The following SLC2A5 variants were observed in gnomAD, a reference collection of about 807,000 sequenced individuals.
The protein encoded by SLC2A5 is solute carrier family 2, facilitated glucose transporter member 5.
SLC2A5 carries 56 observed loss-of-function variants against 50.3 expected under a neutral mutation model. That is an observed-to-expected ratio of 1.11 (90% confidence interval 0.90 to 1.39). The LOEUF is 1.39. SLC2A5 is among the 40% of genes most tolerant of loss of function. The pLI, the probability that SLC2A5 is intolerant of heterozygous loss-of-function variation, is 0.00. For synonymous variants in SLC2A5, 269 were observed against 281.9 expected (o/e 0.95, Z 0.46); for missense variants, 566 against 650.1 (o/e 0.87, Z 1.41).
intron 1 of SLC2A5, among the ~76,000 whole-genome samples, chr1:9,087,815 C>T (rs564598599): frequency 2.6e-5 from 4 of 152,178 alleles, no homozygotes; most frequent in African/African-American, 4.8e-5. Context: ...GTATTTCGCT[C>T]TCTAGCACTT....
chr1:9,048,938 T>G (rs1173969070), intron 3 of SLC2A5, among the ~76,000 whole-genome samples: 1 of 152,194 alleles, frequency 6.6e-6, no homozygotes, highest in Non-Finnish European at 1.5e-5. Context: ...ATTATAGGCA[T>G]GAGCCACTGC....
At chr1:9,041,707 G>T in intron 5 of SLC2A5, 78 bp downstream of exon 5, 1 of 1,612,542 alleles carries the variant, frequency 6.2e-7, no homozygotes, top group Non-Finnish European at 8.5e-7. Context: ...GTCCTGTGGT[G>T]GTGGCTTTGG....
upstream of SLC2A5, chr1:9,073,079 A>G (rs1383602371): frequency 1.3e-5 from 2 of 152,270 alleles, no homozygotes. Context: ...ACCATACCAC[A>G]AAGCAAGCTG....
At chr1:9,067,598 A>G (rs1330471643) in intron 1 of SLC2A5, among the ~76,000 whole-genome samples, 1 of 152,134 alleles carries the variant, frequency 6.6e-6, no homozygotes, top group East Asian at 1.9e-4. Flanking sequence ...AGGTGATGAC[A>G]CTTGATTTGT....
chr1:9,062,180 G>A (rs1641960728), intron 1 of SLC2A5, among the ~76,000 whole-genome samples: 1 of 152,170 alleles, frequency 6.6e-6, no homozygotes, highest in African/African-American at 2.4e-5. Context: ...CCTCGGGTAA[G>A]CAAGACAGCT....
intron 3 of SLC2A5, among the ~76,000 whole-genome samples, chr1:9,048,856 C>T (rs1239422340): frequency 1.3e-5 from 2 of 152,062 alleles, no homozygotes; most frequent in Non-Finnish European, 2.9e-5. Context: ...GGAGTTTCCC[C>T]ATGTTGGCCA....
intron 1 of SLC2A5, among the ~76,000 whole-genome samples, chr1:9,061,236 C>T (rs929829899): frequency 9.6e-5 from 14 of 145,588 alleles, no homozygotes; most frequent in African/African-American, 3.3e-4. Context: ...AAGCTGAGAT[C>T]GCACCACTGC....
chr1:9,080,951 GA>G (rs1349408872), intron 2 of SLC2A5, among the ~76,000 whole-genome samples: 3 of 152,094 alleles, frequency 2.0e-5, no homozygotes, highest in Non-Finnish European at 4.4e-5. Flanking sequence ...TCATCAAAAT[GA>G]AAAAGTGGTG....
chr1:9,075,987 A>G (rs1642276940), intron 2 of SLC2A5, among the ~76,000 whole-genome samples: 1 of 131,780 alleles, frequency 7.6e-6, no homozygotes, highest in Admixed American at 8.5e-5. Flanking sequence ...ACGGAGTCTC[A>G]CAGTGTTGCC....
chr1:9,094,172 T>C, the SLC2A5 span, among the ~76,000 whole-genome samples: 170 of 152,322 alleles, frequency 1.1e-3, 2 homozygotes, highest in South Asian at 0.012. Flanking sequence ...CCCGGTTGAC[T>C]ACCAAGTATT....
chr1:9,076,785 TG>T (rs1227241313), intron 2 of SLC2A5, among the ~76,000 whole-genome samples: 5 of 151,494 alleles, frequency 3.3e-5, no homozygotes, highest in Non-Finnish European at 1.5e-5. Context: ...ACAAGTGTGG[TG>T]TTTTTTTTGT....
chr1:9,047,558 C>T (rs1009065893), intron 4 of SLC2A5, 52 bp downstream of exon 4: 2 of 1,593,692 alleles, frequency 1.3e-6, no homozygotes, highest in African/African-American at 1.3e-5. Flanking sequence ...AACCTGTTGT[C>T]CTCCTCCTTG....
upstream of SLC2A5, among the ~76,000 whole-genome samples, chr1:9,070,072 GTTTTTTTTTTTTT>G (rs56828280): frequency 1.8e-4 from 11 of 62,514 alleles, no homozygotes; most frequent in East Asian, 1.3e-3. Flanking sequence ...CTCATTTTCT[GTTTTTTTTTTTTT>G]TTTTTTTTTT....
upstream of SLC2A5, among the ~76,000 whole-genome samples, chr1:9,093,282 A>C (rs1642479524): frequency 6.6e-6 from 1 of 151,818 alleles, no homozygotes; most frequent in South Asian, 2.1e-4. Context: ...AACTCCAGGG[A>C]CTCCCCAGCT....
At chr1:9,055,423 A>G (rs965605250) in intron 3 of SLC2A5, among the ~76,000 whole-genome samples, 1 of 152,060 alleles carries the variant, frequency 6.6e-6, no homozygotes, top group Admixed American at 6.6e-5. Flanking sequence ...AGGCCGAGGC[A>G]GGAGAATCGT....
chr1:9,065,179 AC>A (rs1248934656), intron 1 of SLC2A5, among the ~76,000 whole-genome samples: 1 of 152,078 alleles, frequency 6.6e-6, no homozygotes, highest in Non-Finnish European at 1.5e-5. Flanking sequence ...TTCTTTAAAA[AC>A]TTGAACTTCT....
At chr1:9,079,864 G>A (rs1289727382) in intron 2 of SLC2A5, among the ~76,000 whole-genome samples, 1 of 152,158 alleles carries the variant, frequency 6.6e-6, no homozygotes, top group Non-Finnish European at 1.5e-5. Flanking sequence ...TGTACCAGTT[G>A]AGTTGTGGTA....
At chr1:9,071,353 C>T (rs866878957), upstream of SLC2A5, among the ~76,000 whole-genome samples, 2 of 152,104 alleles carry the variant, frequency 1.3e-5, no homozygotes, top group Non-Finnish European at 2.9e-5. Flanking sequence ...GAGGTTGCAG[C>T]GCACCTAGAT....
chr1:9,047,735 C>G lies in SLC2A5; in HGVS notation c.294-1G>C. The stretch of plus-strand genomic sequence containing the variant: ...GTTGTTGAACAGCAAGGCCCCTTTT[C>G]TGCAGAGGACAAAATATCAGTTAGT... On this transcript the variant is annotated splice_acceptor_variant, in intron 3 of 11. Transcript: ENST00000377424. LOFTEE classifies it high-confidence loss of function. 1 of 1,612,628 alleles carries G rather than the reference C, an allele frequency of 6.2e-7. No homozygotes were observed. The highest frequency in any genetic ancestry group is 8.5e-7 in the Non-Finnish European group (1 of 1,179,460).
Sources: allele counts gnomAD v4.1 joint callset (sites outside exome capture counted in the v4.1 genomes callset), GRCh38; gene constraint gnomAD v4.1.1; transcripts MANE v1.5; gene names NCBI Gene and HGNC (gene_info 2026-07-23, HGNC 2026-07-21).